The following PRKCQ variants were observed in gnomAD, a reference collection of about 807,000 sequenced individuals.
PRKCQ encodes the protein protein kinase C theta, also known as protein kinase C theta type.
Under a neutral mutation model 91.2 loss-of-function variants are expected in PRKCQ, and 41 were observed. The ratio of observed to expected loss-of-function variants is 0.45; its 90% CI spans 0.35 to 0.58. PRKCQ has a LOEUF of 0.58. Among genes scored for constraint, PRKCQ ranks in the 20% least tolerant of loss-of-function variants. The pLI is 0.00. For synonymous variants in PRKCQ, 307 were observed against 316.9 expected, an observed-to-expected ratio of 0.97 and a Z score of 0.33; for missense variants, 673 against 896.5, an observed-to-expected ratio of 0.75 and a Z score of 3.18.
At chr10:6,435,874 A>G (rs1833674829) in intron 16 of PRKCQ, among the ~76,000 whole-genome samples, 1 of 152,198 alleles carries the variant, frequency 6.6e-6, no homozygotes, top group Non-Finnish European at 1.5e-5. Context: ...GCACATTGGG[A>G]GGCTGAGGCG....
chr10:6,563,569 C>G (rs1357948534), intron 1 of PRKCQ, among the ~76,000 whole-genome samples: 1 of 152,196 alleles, frequency 6.6e-6, no homozygotes, highest in Non-Finnish European at 1.5e-5. Context: ...AGAGTGCTCT[C>G]AGCCTCCAAT....
chr10:6,530,953 A>G (rs1302474794), intron 1 of PRKCQ, among the ~76,000 whole-genome samples: 2 of 152,176 alleles, frequency 1.3e-5, no homozygotes, highest in Non-Finnish European at 2.9e-5. Flanking sequence ...TAGGCTGAGT[A>G]TCCACTGGAG....
intron 12 of PRKCQ, among the ~76,000 whole-genome samples, chr10:6,476,832 C>T (rs532979290): frequency 1.2e-3 from 186 of 152,254 alleles, no homozygotes; most frequent in African/African-American, 4.3e-3. Context: ...GACAACAGTA[C>T]GGAGAGGGTG....
chr10:6,547,647 A>G (rs1265209879), intron 1 of PRKCQ, among the ~76,000 whole-genome samples: 5 of 150,566 alleles, frequency 3.3e-5, no homozygotes, highest in Non-Finnish European at 6.0e-5. Flanking sequence ...TTCCCTATTT[A>G]ATAAATGGTG....
At chr10:6,423,464 A>G (rs115909704), downstream of PRKCQ, among the ~76,000 whole-genome samples, 1,356 of 152,258 alleles carry the variant, frequency 8.9e-3, 11 homozygotes, top group African/African-American at 0.031. Context: ...CAGTGGCTTC[A>G]TTCCCCGGCC....
intron 1 of PRKCQ, among the ~76,000 whole-genome samples, chr10:6,558,306 C>T (rs7916931): frequency 0.9 from 136,666 of 152,236 alleles, 62,243 homozygotes; most frequent in East Asian, 1. Context: ...TGAAATTGTT[C>T]AAAAGAACTC....
intron 14 of PRKCQ, 112 bp downstream of exon 14, chr10:6,462,191 C>G (rs1835387041): frequency 2.1e-6 from 2 of 943,756 alleles, no homozygotes; most frequent in South Asian, 2.9e-5. Context: ...ATGTGTGGAG[C>G]TTACTCCCAG....
intron 1 of PRKCQ, among the ~76,000 whole-genome samples, chr10:6,542,328 T>C (rs960272869): frequency 6.6e-6 from 1 of 152,264 alleles, no homozygotes; most frequent in Non-Finnish European, 1.5e-5. Flanking sequence ...CATTTGCAGA[T>C]AGAAGCCTGC....
the PRKCQ span, among the ~76,000 whole-genome samples, chr10:6,416,586 A>G: frequency 6.6e-6 from 1 of 152,182 alleles, no homozygotes; most frequent in Admixed American, 6.5e-5. Flanking sequence ...GTGTATATAG[A>G]CCACATTTTC....
At chr10:6,528,347 T>A (rs1181453328) in intron 1 of PRKCQ, among the ~76,000 whole-genome samples, 5 of 152,152 alleles carry the variant, frequency 3.3e-5, no homozygotes, top group Admixed American at 2.0e-4. Flanking sequence ...CAGGATCTGC[T>A]GATCTGCAGA....
intron 2 of PRKCQ, chr10:6,512,238 G>C (rs1412232810): frequency 6.6e-6 from 1 of 152,102 alleles, no homozygotes; most frequent in African/African-American, 2.4e-5. Flanking sequence ...TAATTCTTGG[G>C]TGAAGATACA....
At chr10:6,451,242 G>C (rs540326653) in intron 15 of PRKCQ, among the ~76,000 whole-genome samples, 1 of 149,650 alleles carries the variant, frequency 6.7e-6, no homozygotes, top group Admixed American at 6.6e-5. Context: ...TGATAAAGGG[G>C]ATATCACCAC....
chr10:6,448,676 G>C (rs1369842627), intron 15 of PRKCQ, among the ~76,000 whole-genome samples: 1 of 152,048 alleles, frequency 6.6e-6, no homozygotes, highest in Non-Finnish European at 1.5e-5. Context: ...CAAAGTGCTG[G>C]GATTACAGGT....
intron 7 of PRKCQ, among the ~76,000 whole-genome samples, chr10:6,492,627 G>A (rs569486592): frequency 1.1e-4 from 17 of 152,300 alleles, no homozygotes; most frequent in African/African-American, 2.9e-4. Context: ...AAGGCTTATC[G>A]GGGTAGGGAG....
intron 1 of PRKCQ, among the ~76,000 whole-genome samples, chr10:6,537,623 T>C (rs981459104): frequency 6.6e-6 from 1 of 152,232 alleles, no homozygotes; most frequent in Non-Finnish European, 1.5e-5. Context: ...GGATTTTTAA[T>C]GGCAACTGGC....
chr10:6,495,529 C>A (rs911928939), intron 7 of PRKCQ, among the ~76,000 whole-genome samples: 3 of 152,232 alleles, frequency 2.0e-5, no homozygotes, highest in Admixed American at 6.5e-5. Flanking sequence ...TCTCAGTAGG[C>A]CACATGCTTA....
chr10:6,464,152 T>TCAGTTTCA (rs1835506167), intron 13 of PRKCQ, among the ~76,000 whole-genome samples, 161 bp downstream of exon 13: 1 of 152,178 alleles, frequency 6.6e-6, no homozygotes. Flanking sequence ...GACACGAATT[T>TCAGTTTCA]CAGTTTCACA....
chr10:6,519,635 A>G (rs1838916591), intron 1 of PRKCQ, among the ~76,000 whole-genome samples: 1 of 152,178 alleles, frequency 6.6e-6, no homozygotes, highest in Non-Finnish European at 1.5e-5. Context: ...AGCCAGTTTC[A>G]GCAGCTTACA....
chr10:6,456,424 G>A (rs564710315), intron 15 of PRKCQ, among the ~76,000 whole-genome samples: 1 of 152,246 alleles, frequency 6.6e-6, no homozygotes, highest in African/African-American at 2.4e-5. Flanking sequence ...GAGTGAATAT[G>A]TTTTAAGGCT....
Sources: gnomAD v4.1 joint callset for allele counts (sites outside exome capture counted in the v4.1 genomes callset) on GRCh38, gnomAD v4.1.1 for gene constraint, MANE v1.5 for transcripts, NCBI Gene and HGNC (gene_info 2026-07-23, HGNC 2026-07-21) for gene names.